VLDLR: variants seen among roughly 807,000 people sequenced by gnomAD.
The protein encoded by VLDLR is very low-density lipoprotein receptor.
A neutral mutation model predicts 112.7 loss-of-function variants in VLDLR; 81 were observed. The observed-to-expected ratio is 0.72, with a 90% CI of 0.60 to 0.86. The LOEUF (loss-of-function observed/expected upper bound fraction) is 0.86, where lower values mean the gene tolerates loss of function less well. VLDLR is among the 40% of genes least tolerant of loss of function. VLDLR has a pLI of 0.00. For synonymous variants in VLDLR, 436 were observed against 384.8 expected (o/e 1.13, Z -1.56); for missense variants, 1,237 against 1,099.4 (o/e 1.13, Z -1.77).
chr9:2,624,257 G>C (rs898357518), intron 1 of VLDLR, among the ~76,000 whole-genome samples: 5 of 152,220 alleles, frequency 3.3e-5, no homozygotes, highest in Non-Finnish European at 5.9e-5. Context: ...TCCAGAACTG[G>C]AGGAAATTTG....
At chr9:2,628,216 T>A (rs940494320) in intron 1 of VLDLR, among the ~76,000 whole-genome samples, 3 of 152,086 alleles carry the variant, frequency 2.0e-5, no homozygotes, top group Non-Finnish European at 4.4e-5. Context: ...GCTGAACTCA[T>A]CTCCTTGGGT....
intron 1 of VLDLR, among the ~76,000 whole-genome samples, chr9:2,622,619 C>A (rs1233612452): frequency 2.0e-5 from 3 of 152,370 alleles, no homozygotes; most frequent in South Asian, 2.1e-4. Flanking sequence ...GGTTCTGCCT[C>A]CTCTGCCAGG....
chr9:2,636,101 C>T (rs1586643109), intron 2 of VLDLR, among the ~76,000 whole-genome samples: 1 of 152,178 alleles, frequency 6.6e-6, no homozygotes, highest in African/African-American at 2.4e-5. Flanking sequence ...AAGACATTCT[C>T]TCCCCAAGAG....
chr9:2,652,053 CTG>C (rs1818375527), intron 17 of VLDLR, 99 bp downstream of exon 17: 1 of 1,083,692 alleles, frequency 9.2e-7, no homozygotes, highest in Admixed American at 1.9e-5. Flanking sequence ...GGCCTTTATG[CTG>C]TCTAGCATTT....
chr9:2,625,926 G>A (rs1364871648), intron 1 of VLDLR, among the ~76,000 whole-genome samples: 3 of 152,192 alleles, frequency 2.0e-5, no homozygotes, highest in Non-Finnish European at 4.4e-5. Context: ...AGCTATAGGC[G>A]AATCTGGCTT....
At chr9:2,638,013 G>A (rs1002929228) in intron 2 of VLDLR, among the ~76,000 whole-genome samples, 5 of 152,110 alleles carry the variant, frequency 3.3e-5, no homozygotes, top group Admixed American at 1.3e-4. Flanking sequence ...CAGCCATTCC[G>A]CTACTCCCTC....
At position 2,647,579 on chromosome 9, in the gene VLDLR, C is replaced by A. The variant is rs6147; in HGVS notation, c.1809C>A (p.Asn603Lys). 3.7e-6 allele frequency: 6 copies of A among 1,613,484 alleles called. No homozygotes were observed. Among genetic ancestry groups the A allele is most frequent in the South Asian group, 1.1e-5 (1 of 91,062 alleles). The change falls in exon 12 of 19, where the codon AAC becomes AAA. Residue 603 changes from asparagine (N) to lysine (K), a missense_variant. Asn to Lys is a moderately conservative substitution (Grantham distance 94). Coordinates refer to ENST00000382100, the MANE Select transcript of VLDLR (RefSeq NM_003383.5). ...PLVTADIQWP[N>K]GITLDLIKSR... is the part of the protein sequence containing the mutation. ...TGACAGCGGATATCCAGTGGCCTAA[C>A]GGAATTACACTTGGTATGTATGTTC...
At chr9:2,638,980 A>G (rs1050617530) in intron 2 of VLDLR, among the ~76,000 whole-genome samples, 9 of 152,144 alleles carry the variant, frequency 5.9e-5, no homozygotes, top group Non-Finnish European at 1.2e-4. Context: ...CTACCTGATG[A>G]GTTTCTTTGC....
At chr9:2,636,605 A>G (rs1006530600) in intron 2 of VLDLR, among the ~76,000 whole-genome samples, 1 of 152,224 alleles carries the variant, frequency 6.6e-6, no homozygotes, top group Non-Finnish European at 1.5e-5. Flanking sequence ...GAAGCATAAG[A>G]AAGTCCATTC....
At chr9:2,640,314 G>A (rs1817770705) in intron 3 of VLDLR, among the ~76,000 whole-genome samples, 1 of 152,148 alleles carries the variant, frequency 6.6e-6, no homozygotes, top group African/African-American at 2.4e-5. Flanking sequence ...CTCTGGTCCT[G>A]GAAGCTAAGT....
intron 2 of VLDLR, among the ~76,000 whole-genome samples, chr9:2,637,056 A>G (rs1222944772): frequency 2.6e-5 from 4 of 152,224 alleles, no homozygotes; most frequent in Non-Finnish European, 5.9e-5. Flanking sequence ...AGGTAGATGT[A>G]TATCTAATCA....
At chr9:2,624,330 C>G (rs1198803750) in intron 1 of VLDLR, among the ~76,000 whole-genome samples, 1 of 152,212 alleles carries the variant, frequency 6.6e-6, no homozygotes, top group Non-Finnish European at 1.5e-5. Flanking sequence ...TTCAAAGTCT[C>G]AGGGCATGTG....
intron 1 of VLDLR, among the ~76,000 whole-genome samples, chr9:2,622,574 C>T (rs1816863320): frequency 6.6e-6 from 1 of 152,238 alleles, no homozygotes. Flanking sequence ...TCTTGACGGG[C>T]GCCGAGGTGC....
At position 2,644,772 on chromosome 9, in the gene VLDLR, C is replaced by G. The variant is rs1187420553; in HGVS notation, c.1105C>G (p.His369Asp). The change falls in exon 8 of 19, where the codon CAT becomes GAT. Residue 369 changes from histidine to aspartate, a missense_variant. Transcript: ENST00000382100. ...ECLVNNGGCS[H>D]ICKDLVIGYE... ...CTTGGTAAATAATGGTGGATGTTCT[C>G]ATATCTGCAAAGACCTAGTTATAGG... The G allele has an allele frequency of 6.2e-7, 1 of 1,614,122 alleles. No homozygotes were observed. The highest frequency in any genetic ancestry group is 8.5e-7 in the Non-Finnish European group (1 of 1,180,018).
In VLDLR at chr9:2,646,378, A is replaced by G; in HGVS notation, c.1529A>G (p.Asp510Gly). Residue 510 changes from aspartate to glycine, a missense_variant, in exon 11 of 19, where the codon GAC (aspartate) becomes GGC (glycine). Asp to Gly is a moderately conservative substitution (Grantham distance 94, BLOSUM62 -1). Transcript: ENST00000382100. ...GTTGGTAGACATGTTAAAATGATCG[A>G]CAATGTCTATAATCCTGCAGCCATT... is the stretch of plus-strand genomic sequence containing the variant. ...DKVGRHVKMI[D>G]NVYNPAAIAV... The G allele has an allele frequency of 1.2e-6, 2 of 1,614,168 alleles. No homozygotes were observed. Among genetic ancestry groups the G allele is most frequent in the Middle Eastern group, 1.6e-4 (1 of 6,062 alleles).
intron 12 of VLDLR, 80 bp downstream of exon 12, chr9:2,647,672 C>G: frequency 7.9e-7 from 1 of 1,265,170 alleles, no homozygotes; most frequent in Non-Finnish European, 1.2e-6. Context: ...GAATTCTGGA[C>G]TAGCAGATGA....
Position 2,651,392 on chromosome 9 carries a change from G to C in VLDLR, c.2252-23G>C. On this transcript the variant is annotated intron_variant, in intron 15 of 18. Coordinates refer to ENST00000382100, the MANE Select transcript of VLDLR (RefSeq NM_003383.5). The stretch of plus-strand genomic sequence containing the variant: ...CATGCTGGAACCCTGGCATTAACCA[G>C]GTTCTTGGTTTTTATAATTCAGGTA... 1.9e-6 allele frequency: 3 copies of C among 1,605,116 alleles called. No individual in the cohort carries two copies. The South Asian group carries it at 3.3e-5, about 18-fold the overall frequency.
At chr9:2,642,665 C>T (rs915855736) in intron 4 of VLDLR, among the ~76,000 whole-genome samples, 2 of 152,178 alleles carry the variant, frequency 1.3e-5, no homozygotes, top group Admixed American at 6.5e-5. Flanking sequence ...ACTTGTTATT[C>T]CTGATCCTTA....
intron 15 of VLDLR, 81 bp downstream of exon 15, chr9:2,650,597 T>A (rs1269586091): frequency 1.0e-5 from 16 of 1,570,226 alleles, no homozygotes; most frequent in Non-Finnish European, 1.4e-5. Context: ...TTTTAAGAAT[T>A]CTGTCTTAGC....
Sources: gnomAD v4.1 joint callset for allele counts (sites outside exome capture counted in the v4.1 genomes callset) on GRCh38, gnomAD v4.1.1 for gene constraint, MANE v1.5 for transcripts, NCBI Gene and HGNC (gene_info 2026-07-23, HGNC 2026-07-21) for gene names.